The following PIBF1 variants were observed in gnomAD, a reference collection of about 807,000 sequenced individuals.
PIBF1 encodes progesterone-induced-blocking factor 1.
A neutral mutation model predicts 112.5 loss-of-function variants in PIBF1; 90 were observed. That is an observed-to-expected ratio of 0.80 (90% CI 0.67 to 0.95). PIBF1 has a LOEUF of 0.95. PIBF1 is among the 40% of genes least tolerant of loss of function. The probability of loss-of-function intolerance (pLI) is 0.00; values close to 1 mark genes in which losing one functional copy is unlikely to be tolerated. For synonymous variants in PIBF1, 301 were observed against 288.6 expected (o/e 1.04, Z -0.44); for missense variants, 915 against 852.3 (o/e 1.07, Z -0.92).
At chr13:72,808,527 C>T (rs1487430050) in intron 5 of PIBF1, among the ~76,000 whole-genome samples, 1 of 152,126 alleles carries the variant, frequency 6.6e-6, no homozygotes, top group African/African-American at 2.4e-5. Flanking sequence ...CTTGTTTTAG[C>T]AGGAAATTAC....
chr13:72,804,664 A>G (rs1259257481), intron 5 of PIBF1, among the ~76,000 whole-genome samples: 2 of 152,130 alleles, frequency 1.3e-5, no homozygotes, highest in Non-Finnish European at 2.9e-5. Flanking sequence ...GGGTTGGGAG[A>G]AGGTCAGGGA....
At chr13:72,896,071 A>G (rs990836613) in intron 11 of PIBF1, among the ~76,000 whole-genome samples, 1 of 152,102 alleles carries the variant, frequency 6.6e-6, no homozygotes, top group Non-Finnish European at 1.5e-5. Context: ...GGCCACCTCC[A>G]CCAGAATAGG....
intron 14 of PIBF1, among the ~76,000 whole-genome samples, chr13:72,942,265 TAAA>T (rs35561447): frequency 1.5e-5 from 2 of 134,786 alleles, no homozygotes; most frequent in African/African-American, 2.8e-5. Context: ...TTCAATGATG[TAAA>T]AAAAAAAAAA....
At chr13:72,935,276 A>G (rs2041836109) in intron 14 of PIBF1, among the ~76,000 whole-genome samples, 1 of 152,082 alleles carries the variant, frequency 6.6e-6, no homozygotes, top group Non-Finnish European at 1.5e-5. Flanking sequence ...GAGCAAGCCT[A>G]GCTTGTATTT....
intron 9 of PIBF1, among the ~76,000 whole-genome samples, chr13:72,853,059 T>TA (rs35684060): frequency 3.4e-4 from 51 of 148,428 alleles, no homozygotes; most frequent in East Asian, 2.2e-3. Context: ...GAAGGAGATT[T>TA]AAAAAAAAAA....
intron 10 of PIBF1, among the ~76,000 whole-genome samples, chr13:72,889,002 C>G (rs988654249): frequency 6.6e-6 from 1 of 151,832 alleles, no homozygotes; most frequent in African/African-American, 2.4e-5. Flanking sequence ...GATTTCGACA[C>G]CAGCCTGGGC....
intron 16 of PIBF1, among the ~76,000 whole-genome samples, chr13:72,984,675 A>ACC (rs2043231696): frequency 6.6e-6 from 1 of 152,132 alleles, no homozygotes; most frequent in African/African-American, 2.4e-5. Flanking sequence ...TACTCTCTGG[A>ACC]CCACTGTGTT....
chr13:72,942,698 G>C (rs545366040), intron 14 of PIBF1, among the ~76,000 whole-genome samples: 1 of 152,176 alleles, frequency 6.6e-6, no homozygotes, highest in East Asian at 1.9e-4. Flanking sequence ...TCTGTTTGTT[G>C]ATATTAAAAA....
At chr13:72,796,595 A>G (rs1410726976) in intron 4 of PIBF1, among the ~76,000 whole-genome samples, 1 of 151,610 alleles carries the variant, frequency 6.6e-6, no homozygotes, top group Non-Finnish European at 1.5e-5. Context: ...TCATTGGGAA[A>G]AGATTTGCAG....
chr13:72,970,936 A>G (rs2042871875), intron 15 of PIBF1, among the ~76,000 whole-genome samples: 1 of 152,028 alleles, frequency 6.6e-6, no homozygotes, highest in Admixed American at 6.6e-5. Flanking sequence ...TTTGTAATAA[A>G]CTCATGTCTT....
At chr13:72,993,018 G>A (rs1198475694) in intron 16 of PIBF1, among the ~76,000 whole-genome samples, 1 of 152,152 alleles carries the variant, frequency 6.6e-6, no homozygotes, top group Non-Finnish European at 1.5e-5. Flanking sequence ...GAAAGATTTG[G>A]AAAAGTAATA....
At chr13:72,984,807 A>G (rs1261724305) in intron 16 of PIBF1, among the ~76,000 whole-genome samples, 2 of 152,132 alleles carry the variant, frequency 1.3e-5, no homozygotes, top group Non-Finnish European at 2.9e-5. Flanking sequence ...TCTTTGTTGT[A>G]TCCTACAAGT....
chr13:72,922,060 A>G (rs1380011112), intron 13 of PIBF1, among the ~76,000 whole-genome samples: 1 of 152,062 alleles, frequency 6.6e-6, no homozygotes, highest in African/African-American at 2.4e-5. Context: ...GTTCACTCTC[A>G]TCTCAAACTC....
At chr13:72,970,652 G>C (rs1216612218) in intron 15 of PIBF1, 6 of 152,212 alleles carry the variant, frequency 3.9e-5, no homozygotes, top group Non-Finnish European at 2.9e-5. Flanking sequence ...TGCTTACAAG[G>C]AGATTTGTTT....
At chr13:72,797,033 A>G (rs1028956863) in intron 4 of PIBF1, among the ~76,000 whole-genome samples, 2 of 152,122 alleles carry the variant, frequency 1.3e-5, no homozygotes, top group African/African-American at 4.8e-5. Flanking sequence ...TCTTAGTTTT[A>G]TGGGACCTTG....
intron 8 of PIBF1, among the ~76,000 whole-genome samples, chr13:72,829,212 C>G (rs2036980488): frequency 6.6e-6 from 1 of 152,104 alleles, no homozygotes; most frequent in Non-Finnish European, 1.5e-5. Flanking sequence ...CAAAAATTTT[C>G]TCCTGTTCTG....
intron 12 of PIBF1, among the ~76,000 whole-genome samples, chr13:72,909,237 CAG>C (rs1266748197): frequency 6.6e-6 from 1 of 152,008 alleles, no homozygotes; most frequent in East Asian, 1.9e-4. Flanking sequence ...TCACTTACTC[CAG>C]AATTGTTAAG....
intron 2 of PIBF1, among the ~76,000 whole-genome samples, chr13:72,784,052 T>C (rs2034455031): frequency 6.6e-6 from 1 of 151,642 alleles, no homozygotes; most frequent in Non-Finnish European, 1.5e-5. Context: ...AACATTGTGT[T>C]TTTGAAAAAC....
intron 1 of PIBF1, among the ~76,000 whole-genome samples, chr13:72,783,076 C>T (rs2034381566): frequency 6.6e-6 from 1 of 152,146 alleles, no homozygotes; most frequent in Non-Finnish European, 1.5e-5. Context: ...GTTTCCCTGA[C>T]CAACTCAGAC....
Sources: allele counts gnomAD v4.1 joint callset (sites outside exome capture counted in the v4.1 genomes callset), GRCh38; gene constraint gnomAD v4.1.1; transcripts MANE v1.5; gene names NCBI Gene and HGNC (gene_info 2026-07-23, HGNC 2026-07-21).